DLG2: variants seen among roughly 807,000 people sequenced by gnomAD.
DLG2 encodes the protein disks large homolog 2.
A neutral mutation model predicts 132.5 loss-of-function variants in DLG2; 45 were observed. That is an observed-to-expected ratio of 0.34 (90% CI 0.27 to 0.44). DLG2 has a LOEUF of 0.44. Among genes scored for constraint, DLG2 ranks in the 20% least tolerant of loss-of-function variants. DLG2 has a pLI of 1.00. For missense variants in DLG2, 1,045 were observed against 1,196.9 expected, an observed-to-expected ratio of 0.87 and a Z score of 1.87; for synonymous variants, 424 against 419.6, an observed-to-expected ratio of 1.01 and a Z score of -0.13.
At chr11:83,891,167 C>T (rs1161630841) in intron 15 of DLG2, among the ~76,000 whole-genome samples, 5 of 151,808 alleles carry the variant, frequency 3.3e-5, no homozygotes, top group African/African-American at 7.3e-5. Flanking sequence ...ATGGATATTC[C>T]TAGAAAGGTT....
At chr11:83,561,883 C>CTTTTTTTTTTTTTTTTTTTTTTTTTTT in intron 19 of DLG2, among the ~76,000 whole-genome samples, 1 of 87,966 alleles carries the variant, frequency 1.1e-5, no homozygotes, top group Non-Finnish European at 2.1e-5. Flanking sequence ...GTATTTCTTT[C>CTTTTTTTTTTTTTTTTTTTTTTTTTTT]TTTTTTTTTT....
At chr11:84,326,270 T>G (rs571979945) in intron 7 of DLG2, among the ~76,000 whole-genome samples, 2 of 152,250 alleles carry the variant, frequency 1.3e-5, no homozygotes, top group African/African-American at 4.8e-5. Flanking sequence ...CTGCTAACTT[T>G]GTGCTTAGTT....
intron 8 of DLG2, among the ~76,000 whole-genome samples, chr11:84,212,088 A>G (rs538849521): frequency 3.9e-5 from 6 of 152,292 alleles, no homozygotes; most frequent in South Asian, 2.1e-4. Flanking sequence ...TTTTTCTATT[A>G]CTTTCAAATG....
intron 3 of DLG2, among the ~76,000 whole-genome samples, chr11:85,488,195 T>C (rs1028454239): frequency 1.3e-5 from 2 of 151,922 alleles, no homozygotes; most frequent in East Asian, 3.9e-4. Context: ...TTAAGACCAG[T>C]CTGGTGAATG....
intron 4 of DLG2, among the ~76,000 whole-genome samples, chr11:85,184,042 T>C (rs773899275): frequency 1.5e-4 from 23 of 151,976 alleles, no homozygotes; most frequent in Non-Finnish European, 2.7e-4. Flanking sequence ...CCAAGGGTTA[T>C]ACAGTAATTA....
chr11:85,511,290 TG>T (rs1598124097), intron 3 of DLG2, among the ~76,000 whole-genome samples: 1 of 151,766 alleles, frequency 6.6e-6, no homozygotes, highest in African/African-American at 2.4e-5. Context: ...AGTTAATGGG[TG>T]CAGCATACCA....
chr11:85,600,367 T>C lies in DLG2; in HGVS notation c.-92-1579A>G, dbSNP rs375708071. On this transcript the variant is annotated intron_variant, in intron 2 of 27. Coordinates refer to ENST00000376104, the MANE Select transcript of DLG2 (RefSeq NM_001142699.3). ...GGCCCATAAGCATCATTTGATATTG[T>C]CACACTCTTGAAAACACTTTTTTCA... 9.8e-4 allele frequency among the ~76,000 whole-genome samples: 150 copies of C among 152,338 alleles called. 3 individuals are homozygous for C. In the South Asian group the frequency reaches 0.028, roughly 29 times the overall value.
chr11:84,000,846 GAA>G (rs1228781510), intron 11 of DLG2, among the ~76,000 whole-genome samples: 1 of 152,072 alleles, frequency 6.6e-6, no homozygotes, highest in East Asian at 1.9e-4. Context: ...AGCTCTATAA[GAA>G]ATGCTCAAGG....
At chr11:83,563,662 A>C (rs1339530253) in intron 19 of DLG2, among the ~76,000 whole-genome samples, 6 of 152,224 alleles carry the variant, frequency 3.9e-5, no homozygotes, top group African/African-American at 1.4e-4. Flanking sequence ...TCAAGAGAGA[A>C]TTCAAGAATC....
At chr11:83,742,275 T>C (rs2092580197) in intron 18 of DLG2, among the ~76,000 whole-genome samples, 1 of 151,418 alleles carries the variant, frequency 6.6e-6, no homozygotes, top group Non-Finnish European at 1.5e-5. Flanking sequence ...CTATGTTAAT[T>C]TGACTGACTG....
At chr11:83,587,632 A>G (rs1393481280) in intron 19 of DLG2, among the ~76,000 whole-genome samples, 2 of 152,210 alleles carry the variant, frequency 1.3e-5, no homozygotes, top group African/African-American at 4.8e-5. Flanking sequence ...ATGTATCTAT[A>G]GAATTTATAT....
chr11:83,761,259 G>T (rs372676852), intron 18 of DLG2, among the ~76,000 whole-genome samples: 1 of 152,154 alleles, frequency 6.6e-6, no homozygotes, highest in Non-Finnish European at 1.5e-5. Flanking sequence ...AGGACACCCC[G>T]TCTAGGAGGG....
intron 4 of DLG2, among the ~76,000 whole-genome samples, chr11:85,158,772 G>T (rs552178860): frequency 6.6e-6 from 1 of 152,280 alleles, no homozygotes; most frequent in Non-Finnish European, 1.5e-5. Flanking sequence ...AGTCTGACTC[G>T]TGTAGAGCTC....
chr11:83,471,529 T>C (rs2092023144), intron 24 of DLG2, 97 bp downstream of exon 24: 2 of 846,664 alleles, frequency 2.4e-6, no homozygotes, highest in South Asian at 1.6e-5. Context: ...TTTGAATTAC[T>C]GGAGAGACTA....
chr11:84,711,150 G>A (rs1463657040), intron 6 of DLG2, among the ~76,000 whole-genome samples: 1 of 151,406 alleles, frequency 6.6e-6, no homozygotes, highest in Non-Finnish European at 1.5e-5. Flanking sequence ...ATAACCTTAT[G>A]AGGAAACTAT....
At chr11:83,966,154 C>A (rs909711589) in intron 12 of DLG2, among the ~76,000 whole-genome samples, 1 of 151,940 alleles carries the variant, frequency 6.6e-6, no homozygotes, top group African/African-American at 2.4e-5. Context: ...AACTGCTGGA[C>A]CAAACTATAT....
chr11:84,635,930 A>G (rs1161070720), intron 6 of DLG2, among the ~76,000 whole-genome samples: 1 of 152,202 alleles, frequency 6.6e-6, no homozygotes, highest in African/African-American at 2.4e-5. Flanking sequence ...TTTAACAATA[A>G]ACAGTTTAAT....
chr11:85,225,169 T>C (rs2074900131), intron 4 of DLG2, among the ~76,000 whole-genome samples: 1 of 152,102 alleles, frequency 6.6e-6, no homozygotes, highest in Non-Finnish European at 1.5e-5. Flanking sequence ...TGTCATGGAA[T>C]GATGGAGTAA....
At chr11:84,297,142 A>AC (rs2098101496) in intron 7 of DLG2, among the ~76,000 whole-genome samples, 4 of 151,888 alleles carry the variant, frequency 2.6e-5, no homozygotes, top group African/African-American at 9.7e-5. Context: ...AAAAAAAAAA[A>AC]CACCTAGACG....
Sources: gnomAD v4.1 joint callset for allele counts (sites outside exome capture counted in the v4.1 genomes callset) on GRCh38, gnomAD v4.1.1 for gene constraint, MANE v1.5 for transcripts, NCBI Gene and HGNC (gene_info 2026-07-23, HGNC 2026-07-21) for gene names.